The following BMPER variants were observed in gnomAD, a reference collection of about 807,000 sequenced individuals.
BMPER encodes the protein BMP-binding endothelial regulator protein.
A neutral mutation model predicts 87.3 loss-of-function variants in BMPER; 45 were observed. The ratio of observed to expected loss-of-function variants is 0.52; its 90% CI spans 0.41 to 0.66. The LOEUF (loss-of-function observed/expected upper bound fraction) is 0.66, where lower values mean the gene tolerates loss of function less well. Among genes scored for constraint, BMPER ranks in the 30% least tolerant of loss-of-function variants. The pLI, the probability that BMPER is intolerant of heterozygous loss-of-function variation, is 0.00. For synonymous variants in BMPER, 326 were observed against 316.2 expected (o/e 1.03, Z -0.33); for missense variants, 784 against 867.5 (o/e 0.90, Z 1.21).
chr7:33,930,909 C>T (rs1468584339), intron 2 of BMPER, among the ~76,000 whole-genome samples: 2 of 152,192 alleles, frequency 1.3e-5, no homozygotes, highest in Non-Finnish European at 2.9e-5. Flanking sequence ...ATGGTTGTGC[C>T]TCTGCATTCC....
intron 3 of BMPER, among the ~76,000 whole-genome samples, chr7:33,948,398 T>G (rs1384277615): frequency 6.6e-6 from 1 of 152,178 alleles, no homozygotes; most frequent in South Asian, 2.1e-4. Flanking sequence ...ATGGGAAAAC[T>G]TATATGATGA....
intron 12 of BMPER, among the ~76,000 whole-genome samples, chr7:34,079,429 A>G (rs185054767): frequency 1.4e-3 from 210 of 152,292 alleles, no homozygotes; most frequent in African/African-American, 4.9e-3. Flanking sequence ...TGCCAGTCCC[A>G]CCAGTCTTGC....
intron 6 of BMPER, among the ~76,000 whole-genome samples, chr7:34,028,626 TTTTTTTTG>T (rs1471554606): frequency 4.5e-5 from 6 of 132,062 alleles, no homozygotes; most frequent in Non-Finnish European, 9.5e-5. Flanking sequence ...TTTTTTTTTT[TTTTTTTTG>T]TAGCATTACC....
At chr7:34,052,084 A>T (rs1562711953) in intron 8 of BMPER, 114 bp downstream of exon 8, 9 of 963,868 alleles carry the variant, frequency 9.3e-6, no homozygotes, top group Non-Finnish European at 1.5e-5. Context: ...GGAAGCATTA[A>T]CAATGCCATT....
chr7:33,956,264 A>C (rs908307664), intron 3 of BMPER, among the ~76,000 whole-genome samples: 1 of 152,202 alleles, frequency 6.6e-6, no homozygotes, highest in African/African-American at 2.4e-5. Context: ...CATTTGTTCT[A>C]TGGAAGCTTT....
chr7:33,910,660 A>G (rs1180135080), intron 2 of BMPER, among the ~76,000 whole-genome samples: 1 of 152,244 alleles, frequency 6.6e-6, no homozygotes, highest in Non-Finnish European at 1.5e-5. Flanking sequence ...GGTGCAATGT[A>G]GAAATGGACC....
intron 6 of BMPER, among the ~76,000 whole-genome samples, chr7:34,029,482 G>T (rs1787468709): frequency 6.6e-6 from 1 of 152,008 alleles, no homozygotes; most frequent in Non-Finnish European, 1.5e-5. Context: ...TGTTGTCCTT[G>T]TCTAATCCCA....
chr7:34,120,862 ATCAAGT>A (rs1378399392), intron 13 of BMPER, among the ~76,000 whole-genome samples: 4 of 152,200 alleles, frequency 2.6e-5, no homozygotes, highest in African/African-American at 9.6e-5. Context: ...GCATGAAAAA[ATCAAGT>A]TCAAGAGCGA....
At chr7:33,982,064 C>T (rs1052370814) in intron 6 of BMPER, among the ~76,000 whole-genome samples, 2 of 152,158 alleles carry the variant, frequency 1.3e-5, no homozygotes, top group African/African-American at 4.8e-5. Context: ...CTGACCTCCT[C>T]CTGCTCCAGC....
chr7:33,935,050 T>G (rs1327825079), intron 2 of BMPER, among the ~76,000 whole-genome samples: 2 of 152,224 alleles, frequency 1.3e-5, no homozygotes, highest in Non-Finnish European at 2.9e-5. Context: ...GAGAGATTAT[T>G]AATTTGTAAA....
At chr7:34,092,495 G>A (rs1233044761) in intron 13 of BMPER, among the ~76,000 whole-genome samples, 1 of 152,118 alleles carries the variant, frequency 6.6e-6, no homozygotes, top group African/African-American at 2.4e-5. Flanking sequence ...ACCTCCAATG[G>A]GGTGATTAGT....
At chr7:33,931,983 CA>C (rs1439636748) in intron 2 of BMPER, among the ~76,000 whole-genome samples, 3 of 152,184 alleles carry the variant, frequency 2.0e-5, no homozygotes, top group African/African-American at 7.2e-5. Context: ...TTATTTTCCC[CA>C]AGAGCTTGTA....
intron 6 of BMPER, among the ~76,000 whole-genome samples, chr7:33,982,400 C>T (rs879652888): frequency 6.6e-6 from 1 of 151,932 alleles, no homozygotes; most frequent in Non-Finnish European, 1.5e-5. Flanking sequence ...GCCAAAAAGC[C>T]CCAGAGGAGT....
rs1322887015 is a variant in BMPER, at chr7:33,932,652, C to A, written c.220-4637C>A. Among the ~76,000 whole-genome samples the A allele has an allele frequency of 2.0e-5, 3 of 152,126 alleles. No homozygotes were observed. In the East Asian group the frequency reaches 5.8e-4, roughly 29 times the overall value. ...GTTTCATAGTCTAAAAATAAAGGAT[C>A]CGCCCGCAGACATTTCTCCCTCCAC... On this transcript the variant is annotated intron_variant, in intron 2 of 14. Transcript: ENST00000649409.
At chr7:33,905,808 GGCGCTGGCTTGCCCCGGGGATGGGAGGGT>G in intron 1 of BMPER, 62 bp downstream of exon 1, 1 of 1,484,882 alleles carries the variant, frequency 6.7e-7, no homozygotes. Context: ...TGGGAAAGGT[GGCGCTGGCTTGCCCCGGGGATGGGAGGGT>G]GGGGAGCGCG....
intron 3 of BMPER, among the ~76,000 whole-genome samples, chr7:33,959,662 A>G (rs953834936): frequency 6.6e-6 from 1 of 152,334 alleles, no homozygotes; most frequent in South Asian, 2.1e-4. Flanking sequence ...TTCTCCCTTA[A>G]TGCATTGCAT....
chr7:33,988,573 A>C (rs1455912685), intron 6 of BMPER, among the ~76,000 whole-genome samples: 1 of 152,184 alleles, frequency 6.6e-6, no homozygotes, highest in Non-Finnish European at 1.5e-5. Flanking sequence ...ACCAAGGTCT[A>C]GGAAAAATGC....
At chr7:34,028,939 C>CT (rs1414140402) in intron 6 of BMPER, among the ~76,000 whole-genome samples, 1 of 151,956 alleles carries the variant, frequency 6.6e-6, no homozygotes, top group Non-Finnish European at 1.5e-5. Flanking sequence ...TGAAGCCTTT[C>CT]TTATCTAAAG....
intron 13 of BMPER, among the ~76,000 whole-genome samples, chr7:34,089,768 G>A (rs1242833911): frequency 2.6e-5 from 4 of 152,164 alleles, no homozygotes; most frequent in Non-Finnish European, 5.9e-5. Flanking sequence ...ACAGGTGTGA[G>A]CCACTGTGCC....
Sources: allele counts gnomAD v4.1 joint callset (sites outside exome capture counted in the v4.1 genomes callset), GRCh38; gene constraint gnomAD v4.1.1; transcripts MANE v1.5; gene names NCBI Gene and HGNC (gene_info 2026-07-23, HGNC 2026-07-21).